The following FLII variants were observed in gnomAD, a reference collection of about 807,000 sequenced individuals.
FLII encodes the protein protein flightless-1 homolog.
A neutral mutation model predicts 156.2 loss-of-function variants in FLII; 101 were observed. That is an observed-to-expected ratio of 0.65 (90% CI 0.55 to 0.76). The LOEUF (loss-of-function observed/expected upper bound fraction) is 0.76, where lower values mean the gene tolerates loss of function less well. Ranked by LOEUF, FLII falls within the 30% of genes least tolerant of loss-of-function variation. The pLI is 0.00. For synonymous variants in FLII, 767 were observed against 685.8 expected (o/e 1.12, Z -1.85); for missense variants, 1,675 against 1,682.8 (o/e 1.00, Z 0.08).
rs200858652 is a variant in FLII at position 18,247,325 on chromosome 17, A to C, written c.2520T>G (p.Asp840Glu). The change falls in exon 21 of 30, where the codon GAT becomes GAG. Residue 840 changes from aspartate (D) to glutamate (E), a missense_variant. Physicochemically the swap from Asp to Glu is conservative, Grantham distance 45 (BLOSUM62 2). Around this residue, in one of 2 missense-constraint regions of FLII, gnomAD observed 1,332 missense variants for 1,269.3 expected, o/e 1.05. Coordinates refer to ENST00000327031, the MANE Select transcript of FLII (RefSeq NM_002018.4). ...VFKAKFKNWD[D>E]VLTVDYTRNA... is the part of the protein sequence containing the mutation. ...TGCGTGTGTAGTCCACCGTCAACAC[A>C]TCGTCCCAATTCTTGAACTTGGCCT... The C allele has an allele frequency of 1.6e-5, 26 of 1,608,150 alleles. No homozygotes were observed. The East Asian group carries it at 5.8e-4, about 36-fold the overall frequency.
chr17:18,248,145 T>G, intron 18 of FLII, 112 bp from the exon 19 acceptor site: 1 of 685,706 alleles, frequency 1.5e-6, no homozygotes. Context: ...ACTGACTGCT[T>G]CTGTTTCCCC....
chr17:18,256,216 A>G (rs1243589984), intron 3 of FLII, among the ~76,000 whole-genome samples: 1 of 152,234 alleles, frequency 6.6e-6, no homozygotes, highest in Non-Finnish European at 1.5e-5. Flanking sequence ...AAAAATCCTA[A>G]CAGAATAGTG....
At chr17:18,245,897 CCT>C (rs748981447) in intron 26 of FLII, 35 bp downstream of exon 26, 74 of 1,613,914 alleles carry the variant, frequency 4.6e-5, no homozygotes, top group Non-Finnish European at 5.8e-5. Context: ...TGCCCTGGCT[CCT>C]CTGTGTGTGC....
At chr17:18,245,510 T>A (rs2048007855) in intron 28 of FLII, 45 bp downstream of exon 28, 1 of 1,611,686 alleles carries the variant, frequency 6.2e-7, no homozygotes, top group African/African-American at 1.3e-5. Flanking sequence ...TAAGTAAGTC[T>A]ATGGGCGCCT....
chr17:18,245,381 C>A lies in FLII; in HGVS notation c.3648G>T (p.Glu1216Asp). 1 of 1,614,218 alleles carries A rather than the reference C, an allele frequency of 6.2e-7. No individual in the cohort carries two copies. Among genetic ancestry groups the A allele is most frequent in the East Asian group, 2.2e-5 (1 of 44,874 alleles). The change falls in exon 29 of 30, where the codon GAG becomes GAT. Residue 1216 changes from glutamate (E) to aspartate (D), a missense_variant. Around this residue, in one of 2 missense-constraint regions of FLII, gnomAD observed 1,332 missense variants for 1,269.3 expected, o/e 1.05. Coordinates refer to ENST00000327031, the MANE Select transcript of FLII (RefSeq NM_002018.4). ...MWVGTQTSQV[E>D]IKLSLKACQV... Reference sequence around the variant, plus strand: ...GGCAGGCCTTCAGGCTCAGCTTGATCTCCACCTGGCTAGTCTGGGTCCCCA... The same window carrying A: ...GGCAGGCCTTCAGGCTCAGCTTGATATCCACCTGGCTAGTCTGGGTCCCCA...
Position 18,256,924 on chromosome 17 carries a change from G to A in FLII, c.159C>T (p.Ala53=), listed in dbSNP as rs199986549. ...ACCCCCTTACCAGCTTCTGCAGGGC[G>A]GCCAGCTCCTCGGGCAGGTAGCAGA... is the stretch of plus-strand genomic sequence containing the variant. ...TGLCYLPEEL[A]ALQKLEHLSV... Residue 53 remains alanine (A), a synonymous_variant, in exon 2 of 30, where the codon GCC becomes GCT. Coordinates refer to ENST00000327031, the MANE Select transcript of FLII (RefSeq NM_002018.4). 70 of 1,608,844 alleles carry A rather than the reference G, an allele frequency of 4.4e-5. No homozygotes were observed. Among genetic ancestry groups the A allele is most frequent in the Admixed American group, 1.8e-4 (11 of 59,612 alleles).
chr17:18,246,778 T>C lies in FLII; in HGVS notation c.2867A>G (p.Glu956Gly). Reference protein sequence around the residue: ...YEEEEKKEDKEEKAEGKEGEE... With the variant: ...YEEEEKKEDKGEKAEGKEGEE... The stretch of plus-strand genomic sequence containing the variant: ...GCCTTCTTTGCCCTCGGCCTTCTCC[T>C]CCTTGTCTTCCTTCTTTTCCTCCTC... The change falls in exon 23 of 30, where the codon GAG becomes GGG. Residue 956 changes from glutamate to glycine, a missense_variant. Coordinates refer to ENST00000327031, the MANE Select transcript of FLII (RefSeq NM_002018.4). The C allele has an allele frequency of 6.2e-7, 1 of 1,613,970 alleles. No individual in the cohort carries two copies. The highest frequency in any genetic ancestry group is 8.5e-7 in the Non-Finnish European group (1 of 1,179,930).
At chr17:18,246,087 T>C in intron 25 of FLII, 25 bp from the exon 26 acceptor site, 1 of 1,613,530 alleles carries the variant, frequency 6.2e-7, no homozygotes, top group Non-Finnish European at 8.5e-7. Context: ...GGGGTGGGGG[T>C]GTTCGCAGCT....
rs373449171 is a variant in FLII at position 18,253,249 on chromosome 17, C to T, written c.1013+52G>A. On this transcript the variant is annotated intron_variant, in intron 9 of 29. Transcript: ENST00000327031. Reference sequence around the variant, plus strand: ...ACAAGGTGGGCTCTGACTACGATCCCGGGGTTCTCTGTGCTGCAAGTGCCT... The same window carrying T: ...ACAAGGTGGGCTCTGACTACGATCCTGGGGTTCTCTGTGCTGCAAGTGCCT... 5.8e-5 allele frequency: 93 copies of T among 1,602,768 alleles called. No individual in the cohort carries two copies. The African/African-American group carries it at 1.1e-3, about 18-fold the overall frequency.
chr17:18,256,255 T>C (rs2048413830), intron 3 of FLII, among the ~76,000 whole-genome samples: 1 of 152,260 alleles, frequency 6.6e-6, no homozygotes, highest in Non-Finnish European at 1.5e-5. Flanking sequence ...TCTTGGCTAT[T>C]ATTACTGTAG....
At chr17:18,250,783 C>G in intron 14 of FLII, 55 bp downstream of exon 14, 2 of 1,567,432 alleles carry the variant, frequency 1.3e-6, no homozygotes, top group Non-Finnish European at 1.7e-6. Context: ...TGCCCCTGCA[C>G]CAGAGTTCCC....
At position 18,245,346 on chromosome 17, in the gene FLII, C is replaced by A. The variant is rs750416517; in HGVS notation, c.3675+8G>T. Reference sequence around the variant, plus strand: ...GGCCCACCTCGGCCCTCCCTCCACCCAGATTACCTGGCAGGCCTTCAGGCT... The same window carrying A: ...GGCCCACCTCGGCCCTCCCTCCACCAAGATTACCTGGCAGGCCTTCAGGCT... On this transcript the variant is annotated splice_region_variant and intron_variant, in intron 29 of 29. Transcript: ENST00000327031. 6.2e-7 allele frequency: 1 copy of A among 1,614,224 alleles called. No homozygotes were observed. The highest frequency in any genetic ancestry group is 1.1e-5 in the South Asian group (1 of 91,088).
chr17:18,251,990 C>T lies in FLII; in HGVS notation c.1246+9G>A. On this transcript the variant is annotated intron_variant, in intron 11 of 29. Coordinates refer to ENST00000327031, the MANE Select transcript of FLII (RefSeq NM_002018.4). ...CCCCCGTTCCCAGGCCAGACCTTTC[C>T]CCACTCACCAGCTGCAGCTGCAGCC... is the stretch of plus-strand genomic sequence containing the variant. 1.9e-6 allele frequency: 3 copies of T among 1,612,188 alleles called. No homozygotes were observed. The highest frequency in any genetic ancestry group is 2.5e-6 in the Non-Finnish European group (3 of 1,179,150).
chr17:18,254,447 C>A, intron 6 of FLII, 74 bp downstream of exon 6: 2 of 1,452,704 alleles, frequency 1.4e-6, no homozygotes, highest in South Asian at 1.3e-5. Flanking sequence ...GGGTTAGGGC[C>A]CTGGGAAGTG....
At position 18,247,069 on chromosome 17, in the gene FLII, C is replaced by A. The variant is rs2142795857; in HGVS notation, c.2677-17G>T. 1.2e-6 allele frequency: 2 copies of A among 1,610,500 alleles called. No homozygotes were observed. ...CTGCTCCGCCTGCAGGTGAGAGGGA[C>A]CCGCCCCGCGGCAGGTCTGAGCGCG... On this transcript the variant is annotated splice_polypyrimidine_tract_variant and intron_variant, in intron 21 of 29. Transcript: ENST00000327031.
rs371454840 is a variant in FLII at position 18,246,871 on chromosome 17, C to T, written c.2816+42G>A. 471 of 1,613,814 alleles carry T rather than the reference C, an allele frequency of 2.9e-4. 3 individuals are homozygous for T. In the African/African-American group the frequency reaches 4.8e-3, roughly 17 times the overall value. ...TGTGAGCAGGGGCTCGAGCCCCCAG[C>T]ACCAGGGGAGGGACTTGGGGAAGGG... On this transcript the variant is annotated intron_variant, in intron 22 of 29. Coordinates refer to ENST00000327031, the MANE Select transcript of FLII (RefSeq NM_002018.4).
chr17:18,254,310 A>C, intron 6 of FLII, 128 bp from the exon 7 acceptor site: 1 of 853,036 alleles, frequency 1.2e-6, no homozygotes. Flanking sequence ...GGTTGAAGGG[A>C]CAAGCCCAAG....
intron 5 of FLII, 24 bp downstream of exon 5, chr17:18,254,745 C>A: frequency 6.2e-7 from 1 of 1,613,872 alleles, no homozygotes; most frequent in South Asian, 1.1e-5. Context: ...CCCACCTGCC[C>A]CCTGCCCCCC....
chr17:18,258,966 G>T, upstream of FLII: 1 of 225,198 alleles, frequency 4.4e-6, no homozygotes, highest in Non-Finnish European at 8.6e-6. The surrounding 1 kb of genome is among the most constrained non-coding windows in gnomAD (Gnocchi z 4.2). Flanking sequence ...CAGGGCAGGG[G>T]CCGTAACGGC....
Sources: allele counts gnomAD v4.1 joint callset (sites outside exome capture counted in the v4.1 genomes callset), GRCh38; gene constraint gnomAD v4.1.1; regional missense constraint gnomAD v4.1.1; non-coding constraint Gnocchi (gnomAD v3.1); transcripts MANE v1.5; gene names NCBI Gene and HGNC (gene_info 2026-07-23, HGNC 2026-07-21).